Variants in SV2C observed in about 807,000 individuals in gnomAD.
The protein encoded by SV2C is solute carrier family 22 member B3.
Under a neutral mutation model 79.7 loss-of-function variants are expected in SV2C, and 49 were observed. The observed-to-expected ratio is 0.61, with a 90% CI of 0.49 to 0.78. SV2C has a LOEUF of 0.78. Ranked by LOEUF, SV2C falls within the 30% of genes least tolerant of loss-of-function variation. SV2C has a pLI of 0.00. For missense variants in SV2C, 833 were observed against 912.9 expected, an observed-to-expected ratio of 0.91 and a Z score of 1.13; for synonymous variants, 334 against 333.2, an observed-to-expected ratio of 1.00 and a Z score of -0.03.
chr5:75,972,657 C>A, the SV2C span, among the ~76,000 whole-genome samples: 1 of 152,028 alleles, frequency 6.6e-6, no homozygotes. Context: ...GAATGGCGAT[C>A]ATTAAACAGT....
At chr5:76,133,245 G>A (rs1425336538) in intron 2 of SV2C, among the ~76,000 whole-genome samples, 1 of 152,150 alleles carries the variant, frequency 6.6e-6, no homozygotes, top group Non-Finnish European at 1.5e-5. Flanking sequence ...CTGCCTCAGA[G>A]AACACGTTTA....
the SV2C span, among the ~76,000 whole-genome samples, chr5:76,028,246 AT>A: frequency 2.6e-5 from 4 of 151,866 alleles, no homozygotes; most frequent in African/African-American, 9.7e-5. Flanking sequence ...CATCTTGAAA[AT>A]TTTTTTTATG....
the SV2C span, among the ~76,000 whole-genome samples, chr5:76,007,312 G>A: frequency 0.029 from 4,422 of 151,976 alleles, 174 homozygotes; most frequent in African/African-American, 0.089. Flanking sequence ...TAAGCGTATA[G>A]TGAAATAATC....
the SV2C span, chr5:75,911,058 C>A: frequency 1.6e-6 from 2 of 1,225,782 alleles, no homozygotes; most frequent in Non-Finnish European, 1.2e-6. Flanking sequence ...TCTGTCGCAA[C>A]AACTGAAGAT....
At chr5:75,893,828 T>C in the SV2C span, among the ~76,000 whole-genome samples, 1 of 151,984 alleles carries the variant, frequency 6.6e-6, no homozygotes, top group South Asian at 2.1e-4. Context: ...CAGTGGAAAG[T>C]CTCTGGAAGT....
At chr5:76,249,214 T>C (rs1268864850) in intron 4 of SV2C, among the ~76,000 whole-genome samples, 1 of 152,220 alleles carries the variant, frequency 6.6e-6, no homozygotes, top group Non-Finnish European at 1.5e-5. Flanking sequence ...GCTTCTATCA[T>C]ATCTTGTGAT....
the SV2C span, among the ~76,000 whole-genome samples, chr5:76,014,210 GGAAAAGA>G: frequency 7.3e-6 from 1 of 137,868 alleles, no homozygotes; most frequent in Non-Finnish European, 1.6e-5. Context: ...AAGAAAGAAA[GGAAAAGA>G]AAAGAAAGAA....
At chr5:76,055,012 A>G in the SV2C span, among the ~76,000 whole-genome samples, 1 of 151,974 alleles carries the variant, frequency 6.6e-6, no homozygotes, top group Admixed American at 6.6e-5. Flanking sequence ...ATTAGATCCC[A>G]TTTGTCAGTA....
chr5:75,961,284 A>C, the SV2C span, among the ~76,000 whole-genome samples: 1 of 152,042 alleles, frequency 6.6e-6, no homozygotes, highest in Non-Finnish European at 1.5e-5. Flanking sequence ...TTGGATGAGT[A>C]ATACAGACAC....
At chr5:76,275,414 G>A (rs1015151345) in intron 4 of SV2C, among the ~76,000 whole-genome samples, 4 of 151,784 alleles carry the variant, frequency 2.6e-5, no homozygotes, top group African/African-American at 9.7e-5. Flanking sequence ...GTGAACCCGG[G>A]AGGCAGAGCT....
At chr5:76,116,704 T>C (rs1161084133) in intron 1 of SV2C, among the ~76,000 whole-genome samples, 1 of 152,202 alleles carries the variant, frequency 6.6e-6, no homozygotes, top group African/African-American at 2.4e-5. Context: ...CCTTTGGCCA[T>C]TGGATGGAAG....
At chr5:75,988,262 G>A in the SV2C span, among the ~76,000 whole-genome samples, 1 of 151,874 alleles carries the variant, frequency 6.6e-6, no homozygotes, top group Non-Finnish European at 1.5e-5. Flanking sequence ...TGGCTGTCAG[G>A]TATTTCAGTA....
At chr5:76,268,872 A>G (rs531031648) in intron 4 of SV2C, among the ~76,000 whole-genome samples, 29 of 152,256 alleles carry the variant, frequency 1.9e-4, no homozygotes, top group Non-Finnish European at 3.5e-4. Context: ...ACAAAAAAGT[A>G]TATTCAAAAG....
the SV2C span, among the ~76,000 whole-genome samples, chr5:75,970,558 A>C: frequency 3.3e-5 from 5 of 152,160 alleles, no homozygotes; most frequent in African/African-American, 9.7e-5. Flanking sequence ...CTATGCAAAT[A>C]AACTAGAAAA....
the SV2C span, among the ~76,000 whole-genome samples, chr5:75,914,871 C>A: frequency 7.0e-4 from 106 of 152,176 alleles, 1 homozygote; most frequent in Admixed American, 3.9e-4. Flanking sequence ...TGAAACTGGG[C>A]AATTTACAAA....
At chr5:76,282,578 A>G (rs972535461) in intron 4 of SV2C, among the ~76,000 whole-genome samples, 1 of 152,196 alleles carries the variant, frequency 6.6e-6, no homozygotes, top group Non-Finnish European at 1.5e-5. Context: ...TGAAATAGAG[A>G]TTTCTCTGAA....
At chr5:75,855,076 T>C in the SV2C span, among the ~76,000 whole-genome samples, 7 of 152,168 alleles carry the variant, frequency 4.6e-5, no homozygotes, top group Non-Finnish European at 1.0e-4. Context: ...GACTTTGTTT[T>C]TCTTTTAAAA....
the SV2C span, among the ~76,000 whole-genome samples, chr5:75,989,982 G>GT: frequency 5.0e-3 from 727 of 146,856 alleles, 2 homozygotes; most frequent in African/African-American, 0.015. Flanking sequence ...TTTTAATGGG[G>GT]TTTTTTTTTT....
chr5:75,933,241 A>T, the SV2C span, among the ~76,000 whole-genome samples: 1 of 152,212 alleles, frequency 6.6e-6, no homozygotes. Context: ...CTGTTCTCTT[A>T]TATAGCATCC....
Sources: gnomAD v4.1 joint callset for allele counts (sites outside exome capture counted in the v4.1 genomes callset) on GRCh38, gnomAD v4.1.1 for gene constraint, MANE v1.5 for transcripts, NCBI Gene and HGNC (gene_info 2026-07-23, HGNC 2026-07-21) for gene names.